Variants in SERPINB11 observed in about 807,000 individuals in gnomAD.
SERPINB11 encodes the protein serpin family B member 11.
SERPINB11 carries 32 observed loss-of-function variants against 36.7 expected under a neutral mutation model. The ratio of observed to expected loss-of-function variants is 0.87; its 90% CI spans 0.66 to 1.17. The LOEUF (loss-of-function observed/expected upper bound fraction) is 1.17. Among genes scored for constraint, SERPINB11 ranks in the 50% most tolerant of loss-of-function variants. SERPINB11 has a pLI of 0.00. For synonymous variants in SERPINB11, 174 were observed against 168.1 expected, an observed-to-expected ratio of 1.04 and a Z score of -0.27; for missense variants, 528 against 458.4, an observed-to-expected ratio of 1.15 and a Z score of -1.39.
intron 4 of SERPINB11, among the ~76,000 whole-genome samples, chr18:63,714,015 C>T (rs770371790): frequency 6.6e-6 from 1 of 152,184 alleles, no homozygotes; most frequent in Non-Finnish European, 1.5e-5. Flanking sequence ...ATTCTGAGGC[C>T]CAGATTTTGC....
At chr18:63,714,228 T>C (rs1391036508) in intron 4 of SERPINB11, among the ~76,000 whole-genome samples, 2 of 152,014 alleles carry the variant, frequency 1.3e-5, no homozygotes, top group Admixed American at 6.6e-5. Context: ...TTATTAGTGA[T>C]TTTCAAAGGG....
At chr18:63,703,360 A>T (rs1472100057) in intron 1 of SERPINB11, among the ~76,000 whole-genome samples, 1 of 152,220 alleles carries the variant, frequency 6.6e-6, no homozygotes, top group Non-Finnish European at 1.5e-5. Flanking sequence ...TTAGCTCCTT[A>T]GAAGATCTTA....
At chr18:63,715,177 G>A (rs528848455) in intron 4 of SERPINB11, among the ~76,000 whole-genome samples, 1 of 152,272 alleles carries the variant, frequency 6.6e-6, no homozygotes, top group Admixed American at 6.5e-5. Context: ...TTCAGTTCAT[G>A]TTGGGGCATT....
chr18:63,717,304 T>A lies in SERPINB11; in HGVS notation c.475+1152T>A, dbSNP rs1050567165. Among the ~76,000 whole-genome samples the A allele has an allele frequency of 5.9e-5, 9 of 152,216 alleles. 1 individual carries two copies. The South Asian group carries it at 1.0e-3, about 18-fold the overall frequency. On this transcript the variant is annotated intron_variant, in intron 5 of 7. Transcript: ENST00000544088. ...AGTAAATACTTAGGACATTTTTAGTTTGGATCTCTTATAAATAGTGCTGCT... is the reference window on the plus strand; with the variant it reads ...AGTAAATACTTAGGACATTTTTAGTATGGATCTCTTATAAATAGTGCTGCT...
At chr18:63,721,293 T>A (rs1355542456) in intron 7 of SERPINB11, among the ~76,000 whole-genome samples, 3 of 152,210 alleles carry the variant, frequency 2.0e-5, no homozygotes, top group African/African-American at 7.2e-5. Flanking sequence ...TCTATAGTAA[T>A]GAAGTTATAA....
intron 2 of SERPINB11, among the ~76,000 whole-genome samples, 197 bp downstream of exon 2, chr18:63,710,558 AC>A (rs1181184267): frequency 6.6e-6 from 1 of 152,262 alleles, no homozygotes; most frequent in African/African-American, 2.4e-5. Context: ...ACAATGTAAT[AC>A]AAGCAACGTG....
intron 5 of SERPINB11, among the ~76,000 whole-genome samples, chr18:63,717,155 T>C (rs10048302): frequency 0.37 from 56,430 of 151,756 alleles, 11,339 homozygotes; most frequent in East Asian, 0.61. Context: ...GTTATGTGGG[T>C]TTTTTTTAGG....
At chr18:63,703,972 T>A (rs77816208) in intron 1 of SERPINB11, among the ~76,000 whole-genome samples, 18 of 104,450 alleles carry the variant, frequency 1.7e-4, no homozygotes, top group South Asian at 3.1e-4. Context: ...TGCTTGAAGA[T>A]TTTTTTTTTC....
intron 4 of SERPINB11, 33 bp downstream of exon 4, chr18:63,712,726 T>C (rs1408847200): frequency 1.2e-6 from 2 of 1,600,312 alleles, no homozygotes; most frequent in Non-Finnish European, 1.7e-6. Flanking sequence ...TCAACAACTT[T>C]CTTGGCGTCC....
At position 63,723,765 on chromosome 18, in the gene SERPINB11, A is replaced by C. The variant is rs1914891262; in HGVS notation, c.*366A>C. On this transcript the variant is annotated 3_prime_UTR_variant, in exon 8 of 8. Coordinates refer to ENST00000544088, the MANE Select transcript of SERPINB11 (RefSeq NM_001370475.1). The stretch of plus-strand genomic sequence containing the variant: ...GACCTGACATCTCTGCTTAAAGAAA[A>C]CCAGCTGAAGGGCTTCAACTTTGCT... 5.5e-6 allele frequency: 1 copy of C among 180,594 alleles called. No individual in the cohort carries two copies. Among genetic ancestry groups the C allele is most frequent in the South Asian group, 1.9e-4 (1 of 5,212 alleles). 11.2% of individuals were successfully genotyped at this position (180,594 alleles called of 1,614,324 possible).
chr18:63,718,555 CTA>C (rs921170127), intron 5 of SERPINB11, among the ~76,000 whole-genome samples: 46 of 151,892 alleles, frequency 3.0e-4, no homozygotes, highest in African/African-American at 1.1e-3. Flanking sequence ...TAGCTGGTAT[CTA>C]TTATTTTGGT....
At chr18:63,714,269 A>G (rs1914606743) in intron 4 of SERPINB11, among the ~76,000 whole-genome samples, 1 of 152,192 alleles carries the variant, frequency 6.6e-6, no homozygotes, top group South Asian at 2.1e-4. Context: ...TGTGGGTCAC[A>G]GAGATCACAT....
At chr18:63,706,437 G>A (rs79368163) in intron 1 of SERPINB11, among the ~76,000 whole-genome samples, 245 of 152,296 alleles carry the variant, frequency 1.6e-3, no homozygotes, top group African/African-American at 5.7e-3. Flanking sequence ...GGATAAATAT[G>A]TATTGGCAGG....
chr18:63,702,647 G>A (rs761487152), upstream of SERPINB11, among the ~76,000 whole-genome samples: 2 of 152,090 alleles, frequency 1.3e-5, no homozygotes, highest in Non-Finnish European at 2.9e-5. Context: ...GGGAGTCTCT[G>A]GGGATCTCAT....
At position 63,720,134 on chromosome 18, in the gene SERPINB11, A is replaced by T. The variant is rs748681796; in HGVS notation, c.597A>T (p.Lys199Asn). Residue 199 changes from lysine (K) to asparagine (N), a missense_variant, in exon 6 of 8, where the codon AAA (lysine) becomes AAT (asparagine). Lys to Asn is a moderately conservative substitution (Grantham distance 94, BLOSUM62 0). Coordinates refer to ENST00000544088, the MANE Select transcript of SERPINB11 (RefSeq NM_001370475.1). Reference protein sequence around the residue: ...QNKFQVRETVKSPFQLSEGKN... With the variant: ...QNKFQVRETVNSPFQLSEGKN... Reference sequence around the variant, plus strand: ...AATTTCAAGTAAGAGAGACAGTTAAAAGTCCTTTTCAGCTAAGTGAGGTAA... The same window carrying T: ...AATTTCAAGTAAGAGAGACAGTTAATAGTCCTTTTCAGCTAAGTGAGGTAA... 2 of 1,607,596 alleles carry T rather than the reference A, an allele frequency of 1.2e-6. No individual in the cohort carries two copies. Among genetic ancestry groups the T allele is most frequent in the South Asian group, 2.2e-5 (2 of 90,680 alleles).
At chr18:63,717,538 T>C (rs1359008625) in intron 5 of SERPINB11, among the ~76,000 whole-genome samples, 2 of 152,118 alleles carry the variant, frequency 1.3e-5, no homozygotes, top group Non-Finnish European at 2.9e-5. Context: ...CACTTGGTAG[T>C]GTAAGGCTTG....
chr18:63,716,269 G>C (rs1914665937), intron 5 of SERPINB11, 117 bp downstream of exon 5: 6 of 559,782 alleles, frequency 1.1e-5, no homozygotes, highest in Middle Eastern at 2.7e-4. Flanking sequence ...AGATCAGCAA[G>C]AAAGGAATGG....
intron 1 of SERPINB11, among the ~76,000 whole-genome samples, chr18:63,706,428 G>T (rs1365054782): frequency 6.6e-6 from 1 of 152,212 alleles, no homozygotes; most frequent in African/African-American, 2.4e-5. Context: ...TAGTAACTAG[G>T]ATAAATATGT....
intron 1 of SERPINB11, among the ~76,000 whole-genome samples, chr18:63,704,299 A>G (rs538738614): frequency 4.6e-5 from 7 of 152,208 alleles, no homozygotes; most frequent in Non-Finnish European, 8.8e-5. Context: ...CCATCCATAC[A>G]CACCTCTGCA....
Sources: gnomAD v4.1 joint callset for allele counts (sites outside exome capture counted in the v4.1 genomes callset) on GRCh38, gnomAD v4.1.1 for gene constraint, MANE v1.5 for transcripts, NCBI Gene and HGNC (gene_info 2026-07-23, HGNC 2026-07-21) for gene names.